TMEM268: variants seen among roughly 807,000 people sequenced by gnomAD.
TMEM268 encodes transmembrane protein C9orf91.
Under a neutral mutation model 39.1 loss-of-function variants are expected in TMEM268, and 24 were observed. The observed-to-expected ratio is 0.61, with a 90% confidence interval of 0.44 to 0.86. The LOEUF (loss-of-function observed/expected upper bound fraction) is 0.86. Ranked by LOEUF, TMEM268 falls within the 40% of genes least tolerant of loss-of-function variation. TMEM268 has a pLI of 0.00. For missense variants in TMEM268, 409 were observed against 428.6 expected (o/e 0.95, Z 0.40); for synonymous variants, 176 against 173.5 (o/e 1.01, Z -0.12).
intron 2 of TMEM268, among the ~76,000 whole-genome samples, chr9:114,622,889 G>A (rs944052090): frequency 3.3e-5 from 5 of 152,094 alleles, no homozygotes; most frequent in Non-Finnish European, 5.9e-5. Context: ...CTGGGAGTTT[G>A]AGACCAGCCT....
upstream of TMEM268, among the ~76,000 whole-genome samples, chr9:114,607,097 G>A (rs1845375671): frequency 6.6e-6 from 1 of 152,222 alleles, no homozygotes. Context: ...GACAGATGGA[G>A]CAACTGCTGA....
Position 114,628,152 on chromosome 9 carries a change from G to C in TMEM268, c.376G>C (p.Ala126Pro), listed in dbSNP as rs1846237605. ...ANIYSTSQMFALGNHWAGMLL... is the reference protein window; with the variant it reads ...ANIYSTSQMFPLGNHWAGMLL... ...TATCTACTCTACCAGTCAGATGTTT[G>C]CCTTGGGGAACCACTGGGCTGGCAT... Residue 126 changes from alanine to proline, a missense_variant, in exon 5 of 9, where the codon GCC becomes CCC. By Grantham distance (27) the Ala-to-Pro change is conservative. Transcript: ENST00000288502. 1 of 1,614,052 alleles carries C rather than the reference G, an allele frequency of 6.2e-7. No individual in the cohort carries two copies. The highest frequency in any genetic ancestry group is 8.5e-7 in the Non-Finnish European group (1 of 1,180,032).
intron 3 of TMEM268, 84 bp downstream of exon 3, chr9:114,624,543 T>C: frequency 6.6e-7 from 1 of 1,513,894 alleles, no homozygotes; most frequent in African/African-American, 1.4e-5. Flanking sequence ...TTTCACAAAA[T>C]CTTTATGAAA....
chr9:114,642,858 GTAT>G (rs1173195074), intron 8 of TMEM268, among the ~76,000 whole-genome samples: 2 of 151,856 alleles, frequency 1.3e-5, no homozygotes, highest in African/African-American at 4.8e-5. Flanking sequence ...TTTTTTGTGC[GTAT>G]TATTATTGCC....
Position 114,620,283 on chromosome 9 carries a change from T to G in TMEM268, c.106+2982T>G, listed in dbSNP as rs150250141. On this transcript the variant is annotated intron_variant, in intron 2 of 8. Coordinates refer to ENST00000288502, the MANE Select transcript of TMEM268 (RefSeq NM_153045.4). ...TTTTTGAGACAGGATCTCACTCTGTTGCCCAGGCTGGAATACAGTGGCGTG... is the reference window on the plus strand; with the variant it reads ...TTTTTGAGACAGGATCTCACTCTGTGGCCCAGGCTGGAATACAGTGGCGTG... Among the ~76,000 whole-genome samples the G allele has an allele frequency of 8.1e-3, 1,235 of 152,274 alleles. 13 individuals carry two copies. Among genetic ancestry groups the G allele is most frequent in the African/African-American group, 0.028 (1,180 of 41,554 alleles).
intron 5 of TMEM268, among the ~76,000 whole-genome samples, chr9:114,633,162 ATT>A (rs566595273): frequency 3.0e-4 from 41 of 138,838 alleles, no homozygotes; most frequent in South Asian, 4.5e-4. Context: ...TGCCTAGTTA[ATT>A]TTTTTTTTTT....
rs1285537301 is a variant in TMEM268, at chr9:114,643,289, G to A, written c.1005G>A (p.Gly335=). ...QLIEAYILGT[G]CCPFLAR ...TAGAAGCCTACATCCTAGGCACAGG[G>A]TGCTGCCCGTTCCTGGCGAGGTGAC... Residue 335 remains glycine (G), a synonymous_variant, in exon 9 of 9, where the codon GGG becomes GGA. Transcript: ENST00000288502. 6.2e-6 allele frequency: 10 copies of A among 1,614,108 alleles called. No homozygotes were observed. Among genetic ancestry groups the A allele is most frequent in the Non-Finnish European group, 7.6e-6 (9 of 1,180,002 alleles).
intron 3 of TMEM268, among the ~76,000 whole-genome samples, chr9:114,625,634 G>T (rs769718924): frequency 2.6e-5 from 4 of 151,452 alleles, no homozygotes; most frequent in Admixed American, 6.6e-5. Flanking sequence ...GTAGAGACGG[G>T]GTTTCACCAT....
At position 114,628,985 on chromosome 9, in the gene TMEM268, C is replaced by T. The variant is rs533169595; in HGVS notation, c.474+735C>T. The stretch of plus-strand genomic sequence containing the variant: ...TTACACATTAACTCATTAAATCCTT[C>T]GACATTAAATCTGGGTAGAGGCTGT... On this transcript the variant is annotated intron_variant, in intron 5 of 8. Coordinates refer to ENST00000288502, the MANE Select transcript of TMEM268 (RefSeq NM_153045.4). Among the ~76,000 whole-genome samples, 4 of 152,300 alleles carry T rather than the reference C, an allele frequency of 2.6e-5. No homozygotes were observed. The South Asian group carries it at 6.2e-4, about 24-fold the overall frequency.
chr9:114,622,128 A>G (rs1425211187), intron 2 of TMEM268: 1 of 985,106 alleles, frequency 1.0e-6, no homozygotes, highest in African/African-American at 1.7e-5. Flanking sequence ...ACATTGGGGG[A>G]GCAGGGAGAG....
At chr9:114,609,557 C>A (rs1254893918), upstream of TMEM268, among the ~76,000 whole-genome samples, 2 of 151,524 alleles carry the variant, frequency 1.3e-5, no homozygotes, top group Non-Finnish European at 2.9e-5. Flanking sequence ...TGGTGGCATG[C>A]ACTTTTAGAC....
At chr9:114,615,140 G>A (rs569320626) in intron 1 of TMEM268, among the ~76,000 whole-genome samples, 35 of 151,950 alleles carry the variant, frequency 2.3e-4, no homozygotes, top group African/African-American at 3.9e-4. Context: ...CAAGTGATCC[G>A]CCCGCCTCAG....
At position 114,638,915 on chromosome 9, in the gene TMEM268, A is replaced by G. The variant is rs368929468; in HGVS notation, c.849+189A>G. Among the ~76,000 whole-genome samples, 205 of 152,260 alleles carry G rather than the reference A, an allele frequency of 1.3e-3. 1 individual carries two copies. The highest frequency in any genetic ancestry group is 4.2e-3 in the African/African-American group (174 of 41,538). On this transcript the variant is annotated intron_variant, in intron 8 of 8. Coordinates refer to ENST00000288502, the MANE Select transcript of TMEM268 (RefSeq NM_153045.4). Reference sequence around the variant, plus strand: ...AGCACTTAAAAAGATAGTTAACAGGAAGCATTTTATATTTATTGGGACTTT... The same window carrying G: ...AGCACTTAAAAAGATAGTTAACAGGGAGCATTTTATATTTATTGGGACTTT...
chr9:114,629,344 T>G (rs1237903021), intron 5 of TMEM268, among the ~76,000 whole-genome samples: 1 of 152,256 alleles, frequency 6.6e-6, no homozygotes, highest in Non-Finnish European at 1.5e-5. Flanking sequence ...CCTGTTTAGC[T>G]CCTAGTGGTC....
At chr9:114,635,270 G>T (rs1846582938) in intron 6 of TMEM268, among the ~76,000 whole-genome samples, 1 of 151,904 alleles carries the variant, frequency 6.6e-6, no homozygotes, top group African/African-American at 2.4e-5. Context: ...TTGAACCCGG[G>T]AGGCAGAGGT....
At chr9:114,619,780 G>A (rs1845873577) in intron 2 of TMEM268, among the ~76,000 whole-genome samples, 1 of 152,186 alleles carries the variant, frequency 6.6e-6, no homozygotes, top group Non-Finnish European at 1.5e-5. Flanking sequence ...GCTCTTGGAG[G>A]ATGAAATGAA....
chr9:114,615,058 G>A (rs886476025), intron 1 of TMEM268, among the ~76,000 whole-genome samples: 1 of 151,988 alleles, frequency 6.6e-6, no homozygotes, highest in Admixed American at 6.6e-5. Flanking sequence ...CACCATGCCC[G>A]GCTAATTTTT....
chr9:114,626,835 G>A, intron 3 of TMEM268, 64 bp from the exon 4 acceptor site: 1 of 1,236,738 alleles, frequency 8.1e-7, no homozygotes. Context: ...CCACATGATA[G>A]TCACATGCAC....
chr9:114,610,258 C>T (rs995895404), upstream of TMEM268, among the ~76,000 whole-genome samples: 12 of 152,136 alleles, frequency 7.9e-5, no homozygotes, highest in Non-Finnish European at 1.3e-4. Flanking sequence ...AGGCTGGTCT[C>T]GAACTCCCGA....
Sources: allele counts gnomAD v4.1 joint callset (sites outside exome capture counted in the v4.1 genomes callset), GRCh38; gene constraint gnomAD v4.1.1; transcripts MANE v1.5; gene names NCBI Gene and HGNC (gene_info 2026-07-23, HGNC 2026-07-21).